ENTPD1: variants seen among roughly 807,000 people sequenced by gnomAD.
ENTPD1 encodes the protein ATP diphosphohydrolase.
ENTPD1 carries 33 observed loss-of-function variants against 57.0 expected under a neutral mutation model. The observed-to-expected ratio is 0.58, with a 90% CI of 0.44 to 0.77. The LOEUF is 0.77. Among genes scored for constraint, ENTPD1 ranks in the 30% least tolerant of loss-of-function variants. ENTPD1 has a pLI of 0.00. For synonymous variants in ENTPD1, 202 were observed against 218.8 expected (o/e 0.92, Z 0.68); for missense variants, 501 against 603.4 (o/e 0.83, Z 1.78).
chr10:95,864,686 A>T, intron 8 of ENTPD1, 38 bp from the exon 9 acceptor site: 1 of 1,613,822 alleles, frequency 6.2e-7, no homozygotes. Context: ...AGAGGTGCCT[A>T]TCATACGAGT....
At chr10:95,758,930 G>T (rs1204660895) in intron 1 of ENTPD1, among the ~76,000 whole-genome samples, 3 of 152,168 alleles carry the variant, frequency 2.0e-5, no homozygotes, top group Non-Finnish European at 2.9e-5. Flanking sequence ...CGTACTTATT[G>T]TGGGTCAGCT....
intron 2 of ENTPD1, among the ~76,000 whole-genome samples, chr10:95,829,558 T>C (rs74153920): frequency 0.015 from 2,247 of 152,268 alleles, 54 homozygotes; most frequent in African/African-American, 0.051. Flanking sequence ...TCACAAGAGG[T>C]ATCTGAAGTA....
At chr10:95,772,819 A>G (rs1417505625) in intron 1 of ENTPD1, among the ~76,000 whole-genome samples, 1 of 152,228 alleles carries the variant, frequency 6.6e-6, no homozygotes, top group Non-Finnish European at 1.5e-5. Context: ...ATCATTATGT[A>G]TGATAGCTAT....
chr10:95,833,404 C>T (rs2098402057), intron 2 of ENTPD1: 1 of 152,122 alleles, frequency 6.6e-6, no homozygotes, highest in African/African-American at 2.4e-5. Context: ...TTTATAGGCC[C>T]TACTAGCATC....
intron 9 of ENTPD1, 117 bp downstream of exon 9, chr10:95,864,978 GTTC>G (rs2098471639): frequency 1.6e-6 from 2 of 1,233,160 alleles, no homozygotes; most frequent in Non-Finnish European, 2.3e-6. Context: ...TTGATGTCCT[GTTC>G]TGCCATTCTG....
chr10:95,739,212 C>T (rs2139870725), intron 1 of ENTPD1, among the ~76,000 whole-genome samples: 1 of 152,192 alleles, frequency 6.6e-6, no homozygotes, highest in Non-Finnish European at 1.5e-5. Context: ...GTGGTGGTTG[C>T]CGAAGGTTGG....
chr10:95,828,237 T>C (rs10882674), intron 2 of ENTPD1, among the ~76,000 whole-genome samples: 81,963 of 151,916 alleles, frequency 0.54, 22,551 homozygotes, highest in Admixed American at 0.63. Flanking sequence ...AACCCTATTG[T>C]GAACTGCACA....
intron 1 of ENTPD1, among the ~76,000 whole-genome samples, chr10:95,739,712 C>T (rs1352245025): frequency 6.6e-6 from 1 of 152,128 alleles, no homozygotes; most frequent in Non-Finnish European, 1.5e-5. Context: ...ATATTTTCAC[C>T]TCTTCCCATG....
chr10:95,828,860 G>GCCA (rs1470363914), intron 2 of ENTPD1, among the ~76,000 whole-genome samples: 1 of 151,988 alleles, frequency 6.6e-6, no homozygotes, highest in East Asian at 1.9e-4. Flanking sequence ...ATAGGCACAC[G>GCCA]CCACCACACC....
chr10:95,710,654 T>A (rs184793452), upstream of ENTPD1, among the ~76,000 whole-genome samples: 1 of 152,294 alleles, frequency 6.6e-6, no homozygotes, highest in East Asian at 1.9e-4. Flanking sequence ...TTTAGCCATT[T>A]AGTATTAATA....
intron 1 of ENTPD1, among the ~76,000 whole-genome samples, chr10:95,820,613 C>T (rs117092631): frequency 0.034 from 5,141 of 152,268 alleles, 119 homozygotes; most frequent in Non-Finnish European, 0.049. Flanking sequence ...GTGTTTTCTC[C>T]TCAAATGTCA....
At chr10:95,746,490 C>T (rs1202535011) in intron 1 of ENTPD1, among the ~76,000 whole-genome samples, 1 of 152,092 alleles carries the variant, frequency 6.6e-6, no homozygotes, top group Admixed American at 6.6e-5. Flanking sequence ...GAAACCTACC[C>T]CAAACTCAAT....
chr10:95,826,028 G>T (rs2098374863), intron 2 of ENTPD1, among the ~76,000 whole-genome samples: 1 of 152,088 alleles, frequency 6.6e-6, no homozygotes, highest in Non-Finnish European at 1.5e-5. Flanking sequence ...CTCAAAAAAA[G>T]TAAAATAAAA....
At position 95,876,261 on chromosome 10, in the gene ENTPD1, A is replaced by C; in HGVS notation, c.*9878A>C. ...TAGATTGCTAATTTTATAATAACAC[A>C]AGTTGATTTTGACATCCAACTTATT... On this transcript the variant is annotated 3_prime_UTR_variant, in exon 10 of 10. Transcript: ENST00000371205. 1.3e-5 allele frequency: 13 copies of C among 979,410 alleles called. No homozygotes were observed. Among genetic ancestry groups the C allele is most frequent in the Non-Finnish European group, 1.6e-5 (13 of 824,422 alleles). The allele number at this position is 979,410 out of a possible 1,614,324, so 60.7% of individuals were successfully genotyped here. A position where few individuals can be genotyped will look rare whatever the true frequency, so the allele number is the denominator to read the frequency against.
intron 8 of ENTPD1, chr10:95,861,297 T>C (rs537128750): frequency 2.1e-4 from 32 of 152,662 alleles, no homozygotes; most frequent in Non-Finnish European, 3.4e-4. Flanking sequence ...CACAATTTTT[T>C]TCTTATCAGA....
intron 1 of ENTPD1, among the ~76,000 whole-genome samples, chr10:95,758,002 C>CAAAAAAAAAAAAAAAAAAAAAAAAAAAAA (rs57407553): frequency 2.7e-4 from 7 of 26,412 alleles, no homozygotes; most frequent in African/African-American, 3.8e-4. Context: ...GACACTGTCT[C>CAAAAAAAAAAAAAAAAAAAAAAAAAAAAA]AAAAAAAAAA....
In ENTPD1 at chr10:95,756,195, G is replaced by GT; in HGVS notation, c.-45_-44insT. 6.3e-7 allele frequency: 1 copy of GT among 1,580,722 alleles called. No homozygotes were observed. ...CGGACCACAGCAAGCAGAGGCTGGG[G>GT]GGGGGAAAGACGAGGAAAGAGGAGG... On this transcript the variant is annotated 5_prime_UTR_variant, in exon 1 of 10. Transcript: ENST00000371205.
At chr10:95,713,279 C>T (rs537265338) in intron 1 of ENTPD1, among the ~76,000 whole-genome samples, 2 of 152,168 alleles carry the variant, frequency 1.3e-5, no homozygotes, top group Non-Finnish European at 2.9e-5. Flanking sequence ...TCATCAGTGG[C>T]CAAAAGATGG....
upstream of ENTPD1, chr10:95,754,735 TA>T (rs2098018146): frequency 6.6e-6 from 1 of 152,232 alleles, no homozygotes; most frequent in Non-Finnish European, 1.5e-5. Flanking sequence ...TCATTCAGTG[TA>T]ATTAGTTGTT....
Sources: gnomAD v4.1 joint callset for allele counts (sites outside exome capture counted in the v4.1 genomes callset) on GRCh38, gnomAD v4.1.1 for gene constraint, MANE v1.5 for transcripts, NCBI Gene and HGNC (gene_info 2026-07-23, HGNC 2026-07-21) for gene names.